USF3: variants seen among roughly 807,000 people sequenced by gnomAD.
The protein encoded by USF3 is upstream transcription factor family member 3.
USF3 carries 29 observed loss-of-function variants against 157.5 expected under a neutral mutation model. That is an observed-to-expected ratio of 0.18 (90% CI 0.14 to 0.25). The LOEUF (loss-of-function observed/expected upper bound fraction) is 0.25. Among genes scored for constraint, USF3 ranks in the 10% least tolerant of loss-of-function variants. The pLI is 1.00. For synonymous variants in USF3, 893 were observed against 941.4 expected (o/e 0.95, Z 0.94); for missense variants, 2,381 against 2,667.6 (o/e 0.89, Z 2.37).
At position 113,672,073 on chromosome 3, in the gene USF3, G is replaced by C. The variant is rs191554532; in HGVS notation, c.76+1275C>G. Among the ~76,000 whole-genome samples, 13 of 151,210 alleles carry C rather than the reference G, an allele frequency of 8.6e-5. No homozygotes were observed. The East Asian group carries it at 2.5e-3, about 29-fold the overall frequency. On this transcript the variant is annotated intron_variant, in intron 4 of 6. Transcript: ENST00000316407. ...GGCATGAGCCATCACGCCTGGCCTA[G>C]CATCCTTTTCAATGACACCTAATTA...
chr3:113,654,914 TC>T lies in USF3; in HGVS notation c.*29del. On this transcript the variant is annotated 3_prime_UTR_variant, in exon 7 of 7. Transcript: ENST00000316407. The stretch of plus-strand genomic sequence containing the variant: ...CGCACAAATACATTTGTAATCTCAC[TC>T]ATTACCTTTACATTTTGTTTATCAG... The T allele has an allele frequency of 1.9e-6, 3 of 1,583,664 alleles. No individual in the cohort carries two copies. The highest frequency in any genetic ancestry group is 2.6e-6 in the Non-Finnish European group (3 of 1,163,308).
intron 5 of USF3, among the ~76,000 whole-genome samples, chr3:113,665,702 C>T (rs1325267440): frequency 6.6e-6 from 1 of 152,072 alleles, no homozygotes; most frequent in Non-Finnish European, 1.5e-5. Flanking sequence ...GTGGCGCACA[C>T]CTGTAATGCC....
chr3:113,669,293 T>C (rs1171387490), intron 5 of USF3, among the ~76,000 whole-genome samples: 1 of 151,686 alleles, frequency 6.6e-6, no homozygotes, highest in Non-Finnish European at 1.5e-5. Context: ...AACGTAAGTA[T>C]GCTATTTAGA....
rs1343657371 is a variant in USF3, at chr3:113,660,415, T to C, written c.1267A>G (p.Ile423Val). The change falls in exon 7 of 7, where the codon ATC (isoleucine) becomes GTC (valine). Residue 423 changes from isoleucine (I) to valine (V), a missense_variant. By Grantham distance (29) the Ile-to-Val change is conservative. Transcript: ENST00000316407. ...GTCTGTGTGTTTCCAGCTGAAGAGATTCGTGTAAGGCTATTAATGTTTTTC... is the reference window on the plus strand; with the variant it reads ...GTCTGTGTGTTTCCAGCTGAAGAGACTCGTGTAAGGCTATTAATGTTTTTC... ...DLKNINSLTR[I>V]SSAGNTQTTW... 1 of 1,614,018 alleles carries C rather than the reference T, an allele frequency of 6.2e-7. No individual in the cohort carries two copies. The highest frequency in any genetic ancestry group is 8.5e-7 in the Non-Finnish European group (1 of 1,179,992).
Position 113,650,134 on chromosome 3 carries a change from T to A in USF3, c.*4810A>T. On this transcript the variant is annotated 3_prime_UTR_variant, in exon 7 of 7. Coordinates refer to ENST00000316407, the MANE Select transcript of USF3 (RefSeq NM_001009899.4). Reference sequence around the variant, plus strand: ...GGTAGCATTTATATAGACAACAAAATTACAAAAATGGCTTCCAGGCTCCTA... The same window carrying A: ...GGTAGCATTTATATAGACAACAAAAATACAAAAATGGCTTCCAGGCTCCTA... The A allele has an allele frequency of 4.6e-6, 2 of 439,298 alleles. No homozygotes were observed. Among genetic ancestry groups the A allele is most frequent in the African/African-American group, 2.0e-5 (1 of 49,752 alleles). 27.2% of individuals were successfully genotyped at this position (439,298 alleles called of 1,614,324 possible).
chr3:113,672,227 C>T (rs1028130552), intron 4 of USF3, among the ~76,000 whole-genome samples: 6 of 151,164 alleles, frequency 4.0e-5, no homozygotes, highest in African/African-American at 7.3e-5. Context: ...CTGCATCAAG[C>T]GATTCTCCTG....
At position 113,679,009 on chromosome 3, in the gene USF3, GTCTCTCTCTCTC is replaced by G. The variant is rs373834496; in HGVS notation, c.-134-1624_-134-1613del. On this transcript the variant is annotated intron_variant, in intron 1 of 6. Coordinates refer to ENST00000316407, the MANE Select transcript of USF3 (RefSeq NM_001009899.4). ...ATCTCACTATGCTGTCCAGGCTGGT[GTCTCTCTCTCTC>G]TCTCTCTCTCTCTCTCTCTCCAACT... 2.4e-3 allele frequency among the ~76,000 whole-genome samples: 345 copies of G among 144,142 alleles called. 1 individual carries two copies. The highest frequency in any genetic ancestry group is 8.0e-3 in the African/African-American group (312 of 38,854). The allele number at this position is 144,142 out of a possible 152,430, so 94.6% of individuals were successfully genotyped here.
At chr3:113,662,934 A>T (rs1304771004) in intron 6 of USF3, among the ~76,000 whole-genome samples, 1 of 151,634 alleles carries the variant, frequency 6.6e-6, no homozygotes, top group African/African-American at 2.4e-5. Flanking sequence ...CCTCATTTTA[A>T]CATAGGGAAA....
chr3:113,662,312 C>G (rs1947499071), intron 6 of USF3, among the ~76,000 whole-genome samples: 1 of 152,224 alleles, frequency 6.6e-6, no homozygotes, highest in African/African-American at 2.4e-5. Flanking sequence ...AGGTATGCTA[C>G]TGAGCAGTGA....
chr3:113,650,183 C>G lies in USF3; in HGVS notation c.*4761G>C, dbSNP rs997602058. On this transcript the variant is annotated 3_prime_UTR_variant, in exon 7 of 7. Coordinates refer to ENST00000316407, the MANE Select transcript of USF3 (RefSeq NM_001009899.4). ...TAAAGATATCACTCCAAAGCTGTTTCATTTTGGTATCACCTTTGCCCTTTC... is the reference window on the plus strand; with the variant it reads ...TAAAGATATCACTCCAAAGCTGTTTGATTTTGGTATCACCTTTGCCCTTTC... 1 of 281,756 alleles carries G rather than the reference C, an allele frequency of 3.5e-6. No individual in the cohort carries two copies. The highest frequency in any genetic ancestry group is 6.6e-6 in the Non-Finnish European group (1 of 151,768). 17.5% of individuals were successfully genotyped at this position (281,756 alleles called of 1,614,324 possible). A position where few individuals can be genotyped will look rare whatever the true frequency, so the allele number is the denominator to read the frequency against.
chr3:113,665,610 G>T (rs1947552744), intron 5 of USF3, among the ~76,000 whole-genome samples: 1 of 151,226 alleles, frequency 6.6e-6, no homozygotes, highest in South Asian at 2.1e-4. Flanking sequence ...GCAGACACTT[G>T]AGGTCAGGAA....
At chr3:113,679,445 G>A (rs1374026495) in intron 1 of USF3, among the ~76,000 whole-genome samples, 9 of 134,356 alleles carry the variant, frequency 6.7e-5, no homozygotes, top group Admixed American at 5.1e-4. Flanking sequence ...ACAGAGTCTC[G>A]CTGTGTCACC....
chr3:113,680,880 TTTAC>T (rs2107951453), intron 1 of USF3, among the ~76,000 whole-genome samples: 1 of 152,330 alleles, frequency 6.6e-6, no homozygotes, highest in Non-Finnish European at 1.5e-5. Context: ...TTCTCTGATC[TTTAC>T]TTAATCTCTT....
Position 113,654,882 on chromosome 3 carries a change from A to G in USF3, c.*62T>C, listed in dbSNP as rs2107914507. The G allele has an allele frequency of 6.6e-7, 1 of 1,516,624 alleles. No homozygotes were observed. Among genetic ancestry groups the G allele is most frequent in the African/African-American group, 1.4e-5 (1 of 72,588 alleles). The allele number at this position is 1,516,624 out of a possible 1,614,324, so 93.9% of individuals were successfully genotyped here. A position where few individuals can be genotyped will look rare whatever the true frequency, so the allele number is the denominator to read the frequency against. On this transcript the variant is annotated 3_prime_UTR_variant, in exon 7 of 7. Coordinates refer to ENST00000316407, the MANE Select transcript of USF3 (RefSeq NM_001009899.4). Reference sequence around the variant, plus strand: ...CTTCTCTTCATGTACATGTCTGTGCACATGCACGCACAAATACATTTGTAA... The same window carrying G: ...CTTCTCTTCATGTACATGTCTGTGCGCATGCACGCACAAATACATTTGTAA...
Position 113,694,382 on chromosome 3 carries a change from G to T in USF3, c.-135+1988C>A, listed in dbSNP as rs1167215843. ...TTCTCATACATGACTGGTTCATTGA[G>T]TGTAAGGTCTACAACCTTAGAATTT... On this transcript the variant is annotated intron_variant, in intron 1 of 6. Transcript: ENST00000316407. Among the ~76,000 whole-genome samples the T allele has an allele frequency of 2.0e-5, 3 of 152,228 alleles. No individual in the cohort carries two copies. The South Asian group carries it at 6.2e-4, about 31-fold the overall frequency.
In USF3 at chr3:113,655,554, T is replaced by C. The variant is rs1483733034; in HGVS notation, c.6128A>G (p.Asp2043Gly). The change falls in exon 7 of 7, where the codon GAT (aspartate) becomes GGT (glycine). Residue 2043 changes from aspartate to glycine, a missense_variant. Asp to Gly is a moderately conservative substitution (Grantham distance 94, BLOSUM62 -1). Transcript: ENST00000316407. ...KRGSIVRFMP[D>G]SPQVPNDNSG... Reference sequence around the variant, plus strand: ...ATTATCATTAGGTACTTGTGGGCTATCAGGCATGAAACGAACAATACTTCC... The same window carrying C: ...ATTATCATTAGGTACTTGTGGGCTACCAGGCATGAAACGAACAATACTTCC... 1.9e-6 allele frequency: 3 copies of C among 1,614,074 alleles called. No individual in the cohort carries two copies. The highest frequency in any genetic ancestry group is 2.5e-6 in the Non-Finnish European group (3 of 1,180,044).
Position 113,650,018 on chromosome 3 carries a change from C to G in USF3, c.*4926G>C, listed in dbSNP as rs1947233757. The G allele has an allele frequency of 1.6e-6, 1 of 607,386 alleles. No homozygotes were observed. The highest frequency in any genetic ancestry group is 1.9e-5 in the African/African-American group (1 of 54,014). The allele number at this position is 607,386 out of a possible 1,614,324, so 37.6% of individuals were successfully genotyped here. A position where few individuals can be genotyped will look rare whatever the true frequency, so the allele number is the denominator to read the frequency against. Reference sequence around the variant, plus strand: ...ATATAAGTATCATAAAATCATCACTCACAGATTAACTTCACTAGTTTGTCT... The same window carrying G: ...ATATAAGTATCATAAAATCATCACTGACAGATTAACTTCACTAGTTTGTCT... On this transcript the variant is annotated 3_prime_UTR_variant, in exon 7 of 7. Transcript: ENST00000316407.
Position 113,679,009 on chromosome 3 carries a change from GTCTCTC to G in USF3, c.-134-1618_-134-1613del, listed in dbSNP as rs373834496. ...ATCTCACTATGCTGTCCAGGCTGGT[GTCTCTC>G]TCTCTCTCTCTCTCTCTCTCTCTCT... On this transcript the variant is annotated intron_variant, in intron 1 of 6. Coordinates refer to ENST00000316407, the MANE Select transcript of USF3 (RefSeq NM_001009899.4). Among the ~76,000 whole-genome samples, 54 of 144,134 alleles carry G rather than the reference GTCTCTC, an allele frequency of 3.7e-4. No individual in the cohort carries two copies. The Middle Eastern group carries it at 0.01, about 28-fold the overall frequency. The allele number at this position is 144,134 out of a possible 152,430, so 94.6% of individuals were successfully genotyped here.
rs1384193319 is a variant in USF3 at position 113,660,757 on chromosome 3, C to T, written c.925G>A (p.Ala309Thr). The T allele has an allele frequency of 6.2e-6, 10 of 1,614,004 alleles. No individual in the cohort carries two copies. Among genetic ancestry groups the T allele is most frequent in the Non-Finnish European group, 7.6e-6 (9 of 1,180,026 alleles). The change falls in exon 7 of 7, where the codon GCA (alanine) becomes ACA (threonine). Residue 309 changes from alanine to threonine, a missense_variant. Physicochemically the swap from Ala to Thr is moderately conservative, Grantham distance 58. Around this residue, in one of 6 missense-constraint regions of USF3, gnomAD observed 1,435 missense variants for 1,550.9 expected, o/e 0.93. Coordinates refer to ENST00000316407, the MANE Select transcript of USF3 (RefSeq NM_001009899.4). ...CCATGGTGCACTTTAGTGGCAGTTG[C>T]TGAGGAGCTGTGGGGGATGTTTGTA... Reference protein sequence around the residue: ...CVTNIPHSSSATATKVHHGNK... With the variant: ...CVTNIPHSSSTTATKVHHGNK...
Sources: gnomAD v4.1 joint callset for allele counts (sites outside exome capture counted in the v4.1 genomes callset) on GRCh38, gnomAD v4.1.1 for gene constraint, gnomAD v4.1.1 regional missense constraint, MANE v1.5 for transcripts, NCBI Gene and HGNC (gene_info 2026-07-23, HGNC 2026-07-21) for gene names.